Variants in THSD1 observed in about 807,000 individuals in gnomAD.
The protein encoded by THSD1 is thrombospondin type 1 domain containing 1.
THSD1 carries 34 observed loss-of-function variants against 46.3 expected under a neutral mutation model. The observed-to-expected ratio is 0.74, with a 90% CI of 0.56 to 0.98. THSD1 has a LOEUF of 0.98. Ranked by LOEUF, THSD1 falls within the 50% of genes least tolerant of loss-of-function variation. The pLI is 0.00. For missense variants in THSD1, 1,023 were observed against 1,058.3 expected (o/e 0.97, Z 0.46); for synonymous variants, 407 against 416.5 (o/e 0.98, Z 0.28).
Position 52,398,091 on chromosome 13 carries a change from C to A in THSD1, c.162G>T (p.Gly54=). The change falls in exon 3 of 5, where the codon GGG becomes GGT. Residue 54 remains glycine, a synonymous_variant. Transcript: ENST00000258613. The part of the protein sequence containing the change: ...VDFQYFDGAN[G]TLRNVSVLLL... Reference sequence around the variant, plus strand: ...GCAGGACAGATACATTCCTCAGTGTCCCATTAGCACCATCAAAATACTGGA... The same window carrying A: ...GCAGGACAGATACATTCCTCAGTGTACCATTAGCACCATCAAAATACTGGA... 1 of 1,614,182 alleles carries A rather than the reference C, an allele frequency of 6.2e-7. No individual in the cohort carries two copies. The highest frequency in any genetic ancestry group is 1.1e-5 in the South Asian group (1 of 91,078).
Position 52,378,079 on chromosome 13 carries a change from T to C in THSD1, c.1891A>G (p.Arg631Gly), listed in dbSNP as rs749537186. 4 of 1,614,200 alleles carry C rather than the reference T, an allele frequency of 2.5e-6. No homozygotes were observed. The highest frequency in any genetic ancestry group is 3.4e-6 in the Non-Finnish European group (4 of 1,180,038). The change falls in exon 5 of 5, where the codon AGG (arginine) becomes GGG (glycine). Residue 631 changes from arginine (R) to glycine (G), a missense_variant. By Grantham distance (125) the Arg-to-Gly change is moderately radical (BLOSUM62 -2). Transcript: ENST00000258613. ...GGGCCCCCTCTGCTGCCCACGTGCC[T>C]TGCCTGTGACTTGCGGATCAGAGTC... The part of the protein sequence containing the change: ...SQTLIRKSQA[R>G]HVGSRGGPSE...
At chr13:52,398,328 T>A in intron 2 of THSD1, 134 bp from the exon 3 acceptor site, 2 of 1,391,946 alleles carry the variant, frequency 1.4e-6, no homozygotes, top group Non-Finnish European at 1.9e-6. Flanking sequence ...TAGAGTGCAG[T>A]GGCGCAATCA....
chr13:52,393,851 T>C (rs997408838), intron 3 of THSD1, among the ~76,000 whole-genome samples: 2 of 152,196 alleles, frequency 1.3e-5, no homozygotes, highest in African/African-American at 4.8e-5. Flanking sequence ...ATAAATTTTA[T>C]ACTAAAAACA....
At chr13:52,394,452 A>G (rs756058122) in intron 3 of THSD1, among the ~76,000 whole-genome samples, 1 of 152,112 alleles carries the variant, frequency 6.6e-6, no homozygotes, top group Non-Finnish European at 1.5e-5. Context: ...CGTCTCTACT[A>G]AAAATACAAA....
chr13:52,381,676 C>T (rs567971852), intron 4 of THSD1, among the ~76,000 whole-genome samples: 8 of 152,280 alleles, frequency 5.3e-5, no homozygotes, highest in East Asian at 3.9e-4. Flanking sequence ...TCTAGGACTC[C>T]TTTGTCCAGG....
Position 52,378,442 on chromosome 13 carries a change from C to G in THSD1, c.1528G>C (p.Ala510Pro), listed in dbSNP as rs1957658190. The G allele has an allele frequency of 6.2e-7, 1 of 1,614,184 alleles. No homozygotes were observed. Among genetic ancestry groups the G allele is most frequent in the Non-Finnish European group, 8.5e-7 (1 of 1,180,034 alleles). The change falls in exon 5 of 5, where the codon GCC becomes CCC. Residue 510 changes from alanine to proline, a missense_variant. Transcript: ENST00000258613. ...RSGPVPPEDD[A>P]SGSESFQSNA... The stretch of plus-strand genomic sequence containing the variant: ...GACTGGAAGCTCTCGCTGCCAGAGG[C>G]ATCATCCTCGGGAGGTACCGGCCCG...
At chr13:52,400,409 C>G (rs1957846797) in intron 2 of THSD1, among the ~76,000 whole-genome samples, 1 of 152,036 alleles carries the variant, frequency 6.6e-6, no homozygotes, top group African/African-American at 2.4e-5. Context: ...ACTGGCCTGG[C>G]CAACATGGTG....
intron 4 of THSD1, among the ~76,000 whole-genome samples, chr13:52,383,761 A>T (rs1957709573): frequency 6.6e-6 from 1 of 152,238 alleles, no homozygotes; most frequent in African/African-American, 2.4e-5. Context: ...GTTGACTAGG[A>T]CAAAGAGCAC....
At chr13:52,400,577 C>G (rs1033336873) in intron 2 of THSD1, among the ~76,000 whole-genome samples, 1 of 151,824 alleles carries the variant, frequency 6.6e-6, no homozygotes, top group African/African-American at 2.4e-5. Context: ...CAACCCGGGC[C>G]GACAACAGCG....
In THSD1 at chr13:52,397,817, G is replaced by A. The variant is rs1957823574; in HGVS notation, c.436C>T (p.Gln146Ter). 3 of 1,614,126 alleles carry A rather than the reference G, an allele frequency of 1.9e-6. No individual in the cohort carries two copies. The highest frequency in any genetic ancestry group is 4.5e-5 in the East Asian group (2 of 44,896). Residue 146 changes from glutamine (Q) to a stop codon, truncating the protein, a stop_gained, in exon 3 of 5, where the codon CAA becomes TAA. Transcript: ENST00000258613. LOFTEE classifies it high-confidence loss of function. Reference sequence around the variant, plus strand: ...GGTTGACTGGTAAATAGGCCCACTTGGAAGGTGCCTTCTGCTGCCTTGGCA... The same window carrying A: ...GGTTGACTGGTAAATAGGCCCACTTAGAAGGTGCCTTCTGCTGCCTTGGCA... ...RSAKAAEGTF[Q>*]VGLFTSQPLC...
At position 52,377,643 on chromosome 13, in the gene THSD1, G is replaced by A. The variant is rs756045226; in HGVS notation, c.2327C>T (p.Ser776Phe). Residue 776 changes from serine to phenylalanine, a missense_variant, in exon 5 of 5, where the codon TCT (serine) becomes TTT (phenylalanine). Ser to Phe is a radical substitution (Grantham distance 155). This residue lies in a region of THSD1 where 578 missense variants were observed against 497.4 expected (regional missense o/e 1.16). Transcript: ENST00000258613. Reference protein sequence around the residue: ...SHKSVSRKQSSPISPKDNYQR... With the variant: ...SHKSVSRKQSFPISPKDNYQR... ...GTAGTTATCTTTGGGGGATATGGGA[G>A]AAGACTGCTTCCTTGAGACACTCTT... 7 of 1,610,586 alleles carry A rather than the reference G, an allele frequency of 4.3e-6. No homozygotes were observed. The highest frequency in any genetic ancestry group is 4.5e-5 in the East Asian group (2 of 44,758).
chr13:52,398,934 A>T (rs1391421135), intron 2 of THSD1, among the ~76,000 whole-genome samples: 2 of 152,238 alleles, frequency 1.3e-5, no homozygotes, highest in East Asian at 3.8e-4. Context: ...TTTATTTCAA[A>T]GTTATTATTT....
intron 2 of THSD1, chr13:52,400,012 C>G (rs907769982): frequency 6.5e-6 from 1 of 153,498 alleles, no homozygotes; most frequent in Non-Finnish European, 1.5e-5. Flanking sequence ...CAGGCTGGTC[C>G]GATGGTAGCA....
intron 4 of THSD1, chr13:52,384,032 G>C (rs919194456): frequency 3.3e-6 from 1 of 305,492 alleles, no homozygotes; most frequent in Non-Finnish European, 6.4e-6. Context: ...GAGAAACCCC[G>C]TCTCTACTGA....
At position 52,391,449 on chromosome 13, in the gene THSD1, C is replaced by A. The variant is rs577527748; in HGVS notation, c.1022-5263G>T. On this transcript the variant is annotated intron_variant, in intron 3 of 4. Coordinates refer to ENST00000258613, the MANE Select transcript of THSD1 (RefSeq NM_018676.4). ...CCCAGGCTGGTCTCAAACTCCTGAG[C>A]TCAAGTGATCCATCTGCCTTGGCCT... Among the ~76,000 whole-genome samples, 3 of 151,966 alleles carry A rather than the reference C, an allele frequency of 2.0e-5. 1 individual carries two copies. In the South Asian group the frequency reaches 6.2e-4, roughly 32 times the overall value.
At chr13:52,384,551 T>A (rs1340585689) in intron 4 of THSD1, among the ~76,000 whole-genome samples, 1 of 152,198 alleles carries the variant, frequency 6.6e-6, no homozygotes, top group Non-Finnish European at 1.5e-5. Context: ...GGAATTACGG[T>A]GAGCCTTAAG....
intron 1 of THSD1, 43 bp downstream of exon 1, chr13:52,405,988 G>C (rs1331856757): frequency 6.6e-6 from 1 of 152,240 alleles, no homozygotes; most frequent in African/African-American, 2.4e-5. Flanking sequence ...CAAGAGTCTC[G>C]CGGCACGGGC....
rs777958259 is a variant in THSD1 at position 52,377,914 on chromosome 13, G to A, written c.2056C>T (p.Arg686Trp). The A allele has an allele frequency of 8.1e-6, 13 of 1,614,058 alleles. No homozygotes were observed. The East Asian group carries it at 1.6e-4, about 19-fold the overall frequency. The change falls in exon 5 of 5, where the codon CGG (arginine) becomes TGG (tryptophan). Residue 686 changes from arginine to tryptophan, a missense_variant. This residue lies in a region of THSD1 where 578 missense variants were observed against 497.4 expected (regional missense o/e 1.16). Transcript: ENST00000258613. ...RQAPAYSSRT[R>W]TCEQAEDRFR... ...CTGTCCTCTGCCTGCTCGCAGGTCC[G>A]CGTCCTAGAGCTGTAGGCAGGGGCC... is the stretch of plus-strand genomic sequence containing the variant.
intron 3 of THSD1, among the ~76,000 whole-genome samples, chr13:52,391,521 A>G (rs1957772865): frequency 6.7e-6 from 1 of 150,224 alleles, no homozygotes; most frequent in Non-Finnish European, 1.5e-5. Context: ...ACCTGCCAGA[A>G]GTATATATAT....
Sources: gnomAD v4.1 joint callset for allele counts (sites outside exome capture counted in the v4.1 genomes callset) on GRCh38, gnomAD v4.1.1 for gene constraint, gnomAD v4.1.1 regional missense constraint, MANE v1.5 for transcripts, NCBI Gene and HGNC (gene_info 2026-07-23, HGNC 2026-07-21) for gene names.